The following ATP6V1H variants were observed in gnomAD, a reference collection of about 807,000 sequenced individuals.
The protein encoded by ATP6V1H is V-type proton ATPase subunit H.
In ATP6V1H, 39 loss-of-function variants were observed where a neutral mutation model predicts 71.7. The ratio of observed to expected loss-of-function variants is 0.54; its 90% CI spans 0.42 to 0.71. The LOEUF (loss-of-function observed/expected upper bound fraction) is 0.71, where lower values mean the gene tolerates loss of function less well. Among genes scored for constraint, ATP6V1H ranks in the 30% least tolerant of loss-of-function variants. The pLI is 0.00. For missense variants in ATP6V1H, 509 were observed against 594.9 expected, an observed-to-expected ratio of 0.86 and a Z score of 1.50; for synonymous variants, 192 against 199.3, an observed-to-expected ratio of 0.96 and a Z score of 0.31.
chr8:53,762,787 C>T (rs965370302), intron 11 of ATP6V1H, among the ~76,000 whole-genome samples: 1 of 152,124 alleles, frequency 6.6e-6, no homozygotes, highest in Non-Finnish European at 1.5e-5. Flanking sequence ...GTACAGTTGA[C>T]CATTGAACAG....
chr8:53,799,161 T>C (rs752760585), intron 8 of ATP6V1H, among the ~76,000 whole-genome samples: 12 of 152,120 alleles, frequency 7.9e-5, no homozygotes, highest in Non-Finnish European at 1.3e-4. Flanking sequence ...TAAGATAAAA[T>C]GAATTTTAAT....
chr8:53,764,261 T>C (rs532725882), intron 11 of ATP6V1H, among the ~76,000 whole-genome samples: 9 of 152,142 alleles, frequency 5.9e-5, no homozygotes, highest in African/African-American at 7.2e-5. Context: ...CTCATGAACA[T>C]AGATGCAAAA....
At chr8:53,830,406 C>T (rs1159188450) in intron 3 of ATP6V1H, among the ~76,000 whole-genome samples, 24 of 152,160 alleles carry the variant, frequency 1.6e-4, no homozygotes, top group South Asian at 2.1e-4. Context: ...TCATACTTAT[C>T]CTAGAACTTA....
At chr8:53,774,961 G>GC (rs1327615337) in intron 9 of ATP6V1H, among the ~76,000 whole-genome samples, 2 of 152,212 alleles carry the variant, frequency 1.3e-5, no homozygotes, top group African/African-American at 4.8e-5. Flanking sequence ...CCTATGCAAC[G>GC]CAAGTGTGTC....
At chr8:53,839,077 AAGAC>A in intron 2 of ATP6V1H, among the ~76,000 whole-genome samples, 1 of 152,364 alleles carries the variant, frequency 6.6e-6, no homozygotes, top group Non-Finnish European at 1.5e-5. Flanking sequence ...ATCAGAACAA[AAGAC>A]AGATATATAG....
At chr8:53,769,394 T>C (rs1271358559) in intron 11 of ATP6V1H, among the ~76,000 whole-genome samples, 1 of 152,092 alleles carries the variant, frequency 6.6e-6, no homozygotes, top group Middle Eastern at 3.2e-3. Context: ...AGAATACATA[T>C]AGAACTCCTG....
chr8:53,837,724 G>A (rs1282555640), intron 2 of ATP6V1H, among the ~76,000 whole-genome samples: 1 of 152,110 alleles, frequency 6.6e-6, no homozygotes, highest in Admixed American at 6.5e-5. Context: ...AATCACTCTC[G>A]CAGTTCTGTG....
chr8:53,765,275 G>A lies in ATP6V1H; in HGVS notation c.1175+4343C>T, dbSNP rs543409696. Among the ~76,000 whole-genome samples the A allele has an allele frequency of 1.9e-3, 291 of 151,738 alleles. 3 individuals are homozygous for A. The highest frequency in any genetic ancestry group is 3.5e-3 in the Admixed American group (54 of 15,228). On this transcript the variant is annotated intron_variant, in intron 11 of 13. Transcript: ENST00000359530. ...AAATGAGCTGGGCGTGGTGGTGCGC[G>A]CCTGTAATCCCAGCTACTTAGGAGG...
intron 13 of ATP6V1H, among the ~76,000 whole-genome samples, chr8:53,730,367 T>C (rs1806976202): frequency 1.3e-5 from 2 of 152,234 alleles, no homozygotes; most frequent in African/African-American, 4.8e-5. Context: ...ACTAGCAGTA[T>C]CAATTACATT....
chr8:53,809,465 G>A (rs1484898921), intron 7 of ATP6V1H, among the ~76,000 whole-genome samples: 1 of 152,148 alleles, frequency 6.6e-6, no homozygotes, highest in Non-Finnish European at 1.5e-5. Flanking sequence ...AGTCACTAAA[G>A]GGAAGAAGGT....
At chr8:53,835,666 C>T (rs1363495777) in intron 2 of ATP6V1H, among the ~76,000 whole-genome samples, 1 of 143,822 alleles carries the variant, frequency 7.0e-6, no homozygotes, top group Non-Finnish European at 1.5e-5. Flanking sequence ...TTCACACATG[C>T]TCATTTTTTA....
At chr8:53,756,245 C>CTT (rs201116200) in intron 12 of ATP6V1H, 35 of 130,326 alleles carry the variant, frequency 2.7e-4, no homozygotes, top group Middle Eastern at 3.7e-3. Flanking sequence ...TAATTTTTTT[C>CTT]TTTTTTTTTT....
rs530041864 is a variant in ATP6V1H at position 53,830,767 on chromosome 8, T to C, written c.217-1234A>G. ...GAAAAAAAGAAAAGAAAGGGCTGTT[T>C]TAACTCCTAACTCCTTAAGGGAAAA... On this transcript the variant is annotated intron_variant, in intron 3 of 13. Coordinates refer to ENST00000359530, the MANE Select transcript of ATP6V1H (RefSeq NM_015941.4). Among the ~76,000 whole-genome samples the C allele has an allele frequency of 6.6e-5, 10 of 152,310 alleles. No individual in the cohort carries two copies. The South Asian group carries it at 1.9e-3, about 28-fold the overall frequency.
chr8:53,821,188 T>C (rs1011491687), intron 4 of ATP6V1H, among the ~76,000 whole-genome samples: 14 of 150,308 alleles, frequency 9.3e-5, no homozygotes, highest in Admixed American at 3.3e-4. Context: ...CTGACCAACA[T>C]GGTAAAACTC....
At chr8:53,839,799 T>A (rs993781043) in intron 2 of ATP6V1H, 1 of 985,438 alleles carries the variant, frequency 1.0e-6, no homozygotes, top group East Asian at 1.1e-4. Context: ...TTCATCTGTT[T>A]TACATGCTAA....
intron 7 of ATP6V1H, among the ~76,000 whole-genome samples, chr8:53,806,189 C>A (rs915618997): frequency 1.3e-5 from 2 of 151,898 alleles, no homozygotes; most frequent in African/African-American, 4.8e-5. Flanking sequence ...GGGCAAATCA[C>A]TTAATCTCGA....
intron 12 of ATP6V1H, among the ~76,000 whole-genome samples, chr8:53,754,956 T>A (rs1275759360): frequency 6.6e-6 from 1 of 152,200 alleles, no homozygotes; most frequent in Non-Finnish European, 1.5e-5. Flanking sequence ...ATTAGGGAAG[T>A]ACAGAGCCGT....
At position 53,839,005 on chromosome 8, in the gene ATP6V1H, G is replaced by A. The variant is rs562505146; in HGVS notation, c.113+2573C>T. 2.0e-5 allele frequency among the ~76,000 whole-genome samples: 3 copies of A among 152,288 alleles called. No individual in the cohort carries two copies. In the East Asian group the frequency reaches 5.8e-4, roughly 29 times the overall value. ...AACAGGCCCACAGTTAACATTTGGT[G>A]AACATTTGCCCACAGGCCTACGGAG... On this transcript the variant is annotated intron_variant, in intron 2 of 13. Transcript: ENST00000359530.
At chr8:53,806,571 A>G (rs919814379) in intron 7 of ATP6V1H, among the ~76,000 whole-genome samples, 2 of 152,140 alleles carry the variant, frequency 1.3e-5, no homozygotes, top group Non-Finnish European at 2.9e-5. Flanking sequence ...ACAGAAAAAA[A>G]ATTGTCAGCA....
Sources: gnomAD v4.1 joint callset for allele counts (sites outside exome capture counted in the v4.1 genomes callset) on GRCh38, gnomAD v4.1.1 for gene constraint, MANE v1.5 for transcripts, NCBI Gene and HGNC (gene_info 2026-07-23, HGNC 2026-07-21) for gene names.